Variants in MSRA observed in about 807,000 individuals in gnomAD.
MSRA encodes the protein methionine sulfoxide reductase A.
A neutral mutation model predicts 31.3 loss-of-function variants in MSRA; 54 were observed. That is an observed-to-expected ratio of 1.73 (90% CI 1.39 to 2.17). The LOEUF (loss-of-function observed/expected upper bound fraction) is 2.17, where lower values mean the gene tolerates loss of function less well. MSRA is among the 30% of genes most tolerant of loss of function. The pLI is 0.00. For synonymous variants in MSRA, 169 were observed against 116.5 expected, an observed-to-expected ratio of 1.45 and a Z score of -2.90; for missense variants, 507 against 300.9, an observed-to-expected ratio of 1.69 and a Z score of -5.07.
chr8:10,054,749 C>G, intron 1 of MSRA, 91 bp downstream of exon 1: 2 of 1,314,922 alleles, frequency 1.5e-6, no homozygotes, highest in Non-Finnish European at 2.0e-6. Flanking sequence ...CGGAAGGAAG[C>G]CGTGGGCTGG....
intron 2 of MSRA, among the ~76,000 whole-genome samples, chr8:10,213,042 C>T (rs1809648513): frequency 6.6e-6 from 1 of 152,108 alleles, no homozygotes; most frequent in Non-Finnish European, 1.5e-5. Flanking sequence ...TACAAACAAT[C>T]CAATTATACT....
At chr8:10,382,541 T>G (rs1208860878) in intron 5 of MSRA, among the ~76,000 whole-genome samples, 1 of 152,116 alleles carries the variant, frequency 6.6e-6, no homozygotes, top group Non-Finnish European at 1.5e-5. Context: ...CACCTGCCTC[T>G]CATTTGGAGA....
intron 5 of MSRA, among the ~76,000 whole-genome samples, chr8:10,342,158 G>T (rs1378114716): frequency 1.3e-5 from 2 of 152,202 alleles, no homozygotes; most frequent in African/African-American, 4.8e-5. Context: ...TCTTCAGTGT[G>T]TTGAGATTTT....
intron 1 of MSRA, among the ~76,000 whole-genome samples, chr8:10,158,503 A>G (rs191140783): frequency 2.0e-5 from 3 of 152,206 alleles, no homozygotes; most frequent in Admixed American, 6.5e-5. Flanking sequence ...TTTCACTAGC[A>G]TAAGTTTTCA....
chr8:10,250,724 A>C (rs1585275260), intron 3 of MSRA: 2 of 497,720 alleles, frequency 4.0e-6, no homozygotes, highest in Non-Finnish European at 7.2e-6. Context: ...TATGGTCTGC[A>C]AAACCTAAAA....
intron 3 of MSRA, among the ~76,000 whole-genome samples, chr8:10,248,395 G>A (rs1473799360): frequency 6.6e-6 from 1 of 152,138 alleles, no homozygotes; most frequent in Non-Finnish European, 1.5e-5. Context: ...AATCCACAGG[G>A]CCAGCTTTAC....
At chr8:10,098,536 T>TG (rs772439698) in intron 1 of MSRA, among the ~76,000 whole-genome samples, 21 of 152,244 alleles carry the variant, frequency 1.4e-4, no homozygotes, top group Non-Finnish European at 2.4e-4. Context: ...GTAACGGGGA[T>TG]GGAAGAGGGA....
At chr8:10,394,994 A>G (rs1324276471) in intron 5 of MSRA, among the ~76,000 whole-genome samples, 1 of 152,160 alleles carries the variant, frequency 6.6e-6, no homozygotes, top group African/African-American at 2.4e-5. Context: ...GAGCAGTGGG[A>G]CCTATACAAA....
intron 5 of MSRA, among the ~76,000 whole-genome samples, chr8:10,327,404 GA>G (rs1380619453): frequency 6.6e-6 from 1 of 152,108 alleles, no homozygotes; most frequent in Non-Finnish European, 1.5e-5. Flanking sequence ...TCATTTTAAA[GA>G]AAAGTTCCCA....
At chr8:10,066,875 C>A (rs1797479313) in intron 1 of MSRA, among the ~76,000 whole-genome samples, 1 of 141,702 alleles carries the variant, frequency 7.1e-6, no homozygotes, top group Admixed American at 7.1e-5. Flanking sequence ...TCTTAAATGA[C>A]TTTTTTTTTT....
chr8:10,125,627 A>T (rs539209351), intron 1 of MSRA, among the ~76,000 whole-genome samples: 1 of 152,332 alleles, frequency 6.6e-6, no homozygotes, highest in Admixed American at 6.5e-5. Flanking sequence ...AGCGGGAACC[A>T]CTGAGCAGCG....
At chr8:10,134,888 T>C (rs1441971723) in intron 1 of MSRA, among the ~76,000 whole-genome samples, 2 of 152,220 alleles carry the variant, frequency 1.3e-5, no homozygotes, top group Non-Finnish European at 2.9e-5. Flanking sequence ...AAGAAATCAG[T>C]CCCAAAGAGC....
chr8:10,287,641 A>G (rs1174667890), intron 3 of MSRA, among the ~76,000 whole-genome samples: 1 of 152,130 alleles, frequency 6.6e-6, no homozygotes, highest in Non-Finnish European at 1.5e-5. Context: ...TGGTCTGGTG[A>G]ATTTTTGCTC....
At chr8:10,201,474 C>T (rs1400891511) in intron 1 of MSRA, among the ~76,000 whole-genome samples, 1 of 152,098 alleles carries the variant, frequency 6.6e-6, no homozygotes, top group Non-Finnish European at 1.5e-5. Context: ...GTCACCCAGT[C>T]CCCACTGCTT....
At chr8:10,295,212 A>AG (rs1412323810) in intron 3 of MSRA, among the ~76,000 whole-genome samples, 1 of 152,006 alleles carries the variant, frequency 6.6e-6, no homozygotes, top group African/African-American at 2.4e-5. Flanking sequence ...TTGGGTTCTC[A>AG]GGGACGCCTG....
At chr8:10,353,621 CAAGCATGT>C (rs1804331425) in intron 5 of MSRA, 8 of 456,066 alleles carry the variant, frequency 1.8e-5, no homozygotes, top group South Asian at 1.2e-4. Flanking sequence ...TTTAGGTACC[CAAGCATGT>C]TCACTGGAAG....
chr8:10,388,005 G>A (rs1301646406), intron 5 of MSRA, among the ~76,000 whole-genome samples: 2 of 151,956 alleles, frequency 1.3e-5, no homozygotes, highest in South Asian at 2.1e-4. Flanking sequence ...CAGGGGAGGG[G>A]AAAAAAAGTT....
rs564398937 is a variant in MSRA at position 10,284,449 on chromosome 8, C to T, written c.332-17085C>T. 3.2e-4 allele frequency among the ~76,000 whole-genome samples: 49 copies of T among 152,190 alleles called. 1 individual carries two copies. Among genetic ancestry groups the T allele is most frequent in the Admixed American group, 7.9e-4 (12 of 15,278 alleles). Reference sequence around the variant, plus strand: ...CCTCAAGTGAACCACTTGCCTTGGCCTCCCAAAGTGCTGGGATTACAGGCA... The same window carrying T: ...CCTCAAGTGAACCACTTGCCTTGGCTTCCCAAAGTGCTGGGATTACAGGCA... On this transcript the variant is annotated intron_variant, in intron 3 of 5. Transcript: ENST00000317173.
Position 10,234,998 on chromosome 8 carries a change from G to C in MSRA, c.212-10106G>C, listed in dbSNP as rs373765491. Among the ~76,000 whole-genome samples the C allele has an allele frequency of 3.5e-4, 53 of 152,164 alleles. 1 individual carries two copies. The South Asian group carries it at 0.01, about 30-fold the overall frequency. ...GAGGAAATTTTAATTGAATCTCTAAGAATCAGATGTCTCAATTTGCCAGAA... is the reference window on the plus strand; with the variant it reads ...GAGGAAATTTTAATTGAATCTCTAACAATCAGATGTCTCAATTTGCCAGAA... On this transcript the variant is annotated intron_variant, in intron 2 of 5. Transcript: ENST00000317173.
Sources: allele counts gnomAD v4.1 joint callset (sites outside exome capture counted in the v4.1 genomes callset), GRCh38; gene constraint gnomAD v4.1.1; transcripts MANE v1.5; gene names NCBI Gene and HGNC (gene_info 2026-07-23, HGNC 2026-07-21).